The following RGS6 variants were observed in gnomAD, a reference collection of about 807,000 sequenced individuals.
RGS6 encodes the protein regulator of G-protein signaling 6.
RGS6 carries 30 observed loss-of-function variants against 78.5 expected under a neutral mutation model. The ratio of observed to expected loss-of-function variants is 0.38; its 90% CI spans 0.29 to 0.52. The LOEUF (loss-of-function observed/expected upper bound fraction) is 0.52, where lower values mean the gene tolerates loss of function less well. RGS6 is among the 20% of genes least tolerant of loss of function. The pLI is 0.85. For missense variants in RGS6, 495 were observed against 609.7 expected (o/e 0.81, Z 1.98); for synonymous variants, 206 against 206.0 (o/e 1.00, Z 0.00).
intron 2 of RGS6, among the ~76,000 whole-genome samples, chr14:72,095,551 G>T (rs766116977): frequency 2.0e-5 from 3 of 152,184 alleles, no homozygotes; most frequent in Non-Finnish European, 4.4e-5. Context: ...ATTCAAAATG[G>T]CTGTAACAGT....
At chr14:71,960,920 G>A (rs2093143165) in intron 1 of RGS6, among the ~76,000 whole-genome samples, 1 of 152,200 alleles carries the variant, frequency 6.6e-6, no homozygotes, top group Admixed American at 6.5e-5. Flanking sequence ...TGTCCTTTCT[G>A]TGAACACATC....
At chr14:72,381,593 ACTAT>A (rs369112384) in intron 3 of RGS6, among the ~76,000 whole-genome samples, 34 of 152,254 alleles carry the variant, frequency 2.2e-4, no homozygotes, top group African/African-American at 7.7e-4. Flanking sequence ...ATGTAATGAA[ACTAT>A]CTTTCAACAA....
chr14:72,205,336 T>A (rs896724318), intron 2 of RGS6, among the ~76,000 whole-genome samples: 1 of 152,226 alleles, frequency 6.6e-6, no homozygotes, highest in Admixed American at 6.5e-5. Flanking sequence ...CCTGGTGAGC[T>A]GTCCTGTGCA....
chr14:72,173,254 A>G (rs976500964), intron 2 of RGS6, among the ~76,000 whole-genome samples: 1 of 152,052 alleles, frequency 6.6e-6, no homozygotes, highest in Non-Finnish European at 1.5e-5. Context: ...CCTGCAGTGT[A>G]CAGGGCAGCT....
Position 72,315,300 on chromosome 14 carries a change from G to A in RGS6, c.85-36795G>A, listed in dbSNP as rs2069820151. Among the ~76,000 whole-genome samples, 2 of 152,222 alleles carry A rather than the reference G, an allele frequency of 1.3e-5. 1 individual carries two copies. The highest frequency in any genetic ancestry group is 4.1e-4 in the South Asian group (2 of 4,828). ...TGGAAATGTAAATATGTTTCTGTTA[G>A]AGATACTTGAAATAACGTTTACACT... is the stretch of plus-strand genomic sequence containing the variant. On this transcript the variant is annotated intron_variant, in intron 2 of 17. Coordinates refer to ENST00000553525, the MANE Select transcript of RGS6 (RefSeq NM_001204424.2).
At chr14:72,051,007 T>G (rs527248995) in intron 2 of RGS6, among the ~76,000 whole-genome samples, 39 of 152,262 alleles carry the variant, frequency 2.6e-4, no homozygotes, top group Middle Eastern at 3.4e-3. Context: ...ATTTCTGGGG[T>G]TTTTTGTTTG....
chr14:72,314,761 T>C (rs973806688), intron 2 of RGS6, among the ~76,000 whole-genome samples: 1 of 152,226 alleles, frequency 6.6e-6, no homozygotes, highest in Non-Finnish European at 1.5e-5. Context: ...CTCCAAGTTA[T>C]GGAAATTTAA....
At chr14:72,238,435 C>T (rs1181244082) in intron 2 of RGS6, among the ~76,000 whole-genome samples, 1 of 152,204 alleles carries the variant, frequency 6.6e-6, no homozygotes, top group Non-Finnish European at 1.5e-5. Context: ...ATCGCTATGT[C>T]AGTGCCAAAC....
chr14:72,043,594 G>A (rs942543308), intron 2 of RGS6, among the ~76,000 whole-genome samples: 3 of 152,108 alleles, frequency 2.0e-5, no homozygotes, highest in Non-Finnish European at 4.4e-5. Context: ...CTAACAAAAT[G>A]TCTGCTGCAA....
At chr14:72,349,195 A>G (rs2078651630) in intron 2 of RGS6, among the ~76,000 whole-genome samples, 1 of 152,168 alleles carries the variant, frequency 6.6e-6, no homozygotes, top group Non-Finnish European at 1.5e-5. Context: ...AAAAATAAAT[A>G]AACTTTTATT....
intron 2 of RGS6, among the ~76,000 whole-genome samples, chr14:72,264,564 G>A (rs1233638767): frequency 6.6e-6 from 1 of 152,204 alleles, no homozygotes; most frequent in African/African-American, 2.4e-5. Flanking sequence ...AAACTTGTTT[G>A]CAACTCTCTA....
At chr14:72,423,463 C>G (rs1597324196) in intron 3 of RGS6, among the ~76,000 whole-genome samples, 1 of 152,112 alleles carries the variant, frequency 6.6e-6, no homozygotes, top group African/African-American at 2.4e-5. Context: ...AAATGTGGTA[C>G]ACATACACCA....
chr14:71,999,234 T>C (rs1009018), intron 2 of RGS6, among the ~76,000 whole-genome samples: 142,759 of 152,308 alleles, frequency 0.94, 67,005 homozygotes, highest in East Asian at 0.99. Context: ...GAAGTGAAAA[T>C]AAGTCCTGGT....
intron 15 of RGS6, among the ~76,000 whole-genome samples, chr14:72,531,544 G>T (rs2097183203): frequency 6.6e-6 from 1 of 151,980 alleles, no homozygotes; most frequent in Non-Finnish European, 1.5e-5. Context: ...AAATATGAGG[G>T]TATCTCAGGA....
chr14:72,191,460 G>C (rs371300540), intron 2 of RGS6, among the ~76,000 whole-genome samples: 2 of 152,282 alleles, frequency 1.3e-5, no homozygotes, highest in Admixed American at 6.5e-5. Context: ...AATTTATAAA[G>C]GAAAAAGGTT....
intron 2 of RGS6, among the ~76,000 whole-genome samples, chr14:72,163,936 T>A (rs1193099374): frequency 4.0e-5 from 6 of 150,222 alleles, no homozygotes; most frequent in Non-Finnish European, 8.9e-5. Context: ...TGCTGTGAGG[T>A]TATGGAAGGA....
chr14:72,454,654 C>G lies in RGS6; in HGVS notation c.235+76C>G, dbSNP rs963966928. On this transcript the variant is annotated intron_variant, in intron 4 of 17. Transcript: ENST00000553525. ...CCATAACCAAGTTCCAAACTAGATT[C>G]CCCTGCCCTCCTGAGAACTGGTCTT... 51 of 1,153,610 alleles carry G rather than the reference C, an allele frequency of 4.4e-5. 1 individual carries two copies. The South Asian group carries it at 6.5e-4, about 15-fold the overall frequency. The allele number at this position is 1,153,610 out of a possible 1,614,324, so 71.5% of individuals were successfully genotyped here. A position where few individuals can be genotyped will look rare whatever the true frequency, so the allele number is the denominator to read the frequency against.
intron 2 of RGS6, among the ~76,000 whole-genome samples, chr14:72,075,942 G>C (rs1440527849): frequency 6.6e-6 from 1 of 152,216 alleles, no homozygotes; most frequent in East Asian, 1.9e-4. Flanking sequence ...GAGCTCTTCT[G>C]ACACAAGGCT....
the RGS6 span, among the ~76,000 whole-genome samples, chr14:72,618,904 C>A: frequency 6.6e-6 from 1 of 152,176 alleles, no homozygotes; most frequent in African/African-American, 2.4e-5. Flanking sequence ...GCCAAGATTT[C>A]TTGGAACACA....
Sources: gnomAD v4.1 joint callset for allele counts (sites outside exome capture counted in the v4.1 genomes callset) on GRCh38, gnomAD v4.1.1 for gene constraint, MANE v1.5 for transcripts, NCBI Gene and HGNC (gene_info 2026-07-23, HGNC 2026-07-21) for gene names.